The following WWOX variants were observed in gnomAD, a reference collection of about 807,000 sequenced individuals.
WWOX encodes the protein WW domain containing oxidoreductase.
WWOX carries 69 observed loss-of-function variants against 46.2 expected under a neutral mutation model. The ratio of observed to expected loss-of-function variants is 1.49; its 90% CI spans 1.23 to 1.82. The LOEUF is 1.82. Among genes scored for constraint, WWOX ranks in the 40% most tolerant of loss-of-function variants. WWOX has a pLI of 0.00. For synonymous variants in WWOX, 359 were observed against 202.6 expected, an observed-to-expected ratio of 1.77 and a Z score of -6.56; for missense variants, 919 against 542.6, an observed-to-expected ratio of 1.69 and a Z score of -6.89.
chr16:79,056,342 G>A (rs527999665), intron 8 of WWOX, among the ~76,000 whole-genome samples: 29 of 152,248 alleles, frequency 1.9e-4, no homozygotes, highest in East Asian at 1.2e-3. Flanking sequence ...TACATTCTTT[G>A]AAGAATGACT....
At chr16:78,366,906 G>C (rs953956043) in intron 5 of WWOX, among the ~76,000 whole-genome samples, 5 of 151,560 alleles carry the variant, frequency 3.3e-5, no homozygotes, top group African/African-American at 1.2e-4. Context: ...CAAAGCCTGG[G>C]GGGTGGATGT....
rs1232446220 is a variant in WWOX at position 78,728,051 on chromosome 16, CTTCCT to C, written c.1056+295302_1056+295306del. Among the ~76,000 whole-genome samples the C allele has an allele frequency of 7.1e-3, 745 of 105,442 alleles. 16 individuals carry two copies. Among genetic ancestry groups the C allele is most frequent in the African/African-American group, 0.032 (702 of 21,800 alleles). The allele number at this position is 105,442 out of a possible 152,430, so 69.2% of individuals were successfully genotyped here. A position where few individuals can be genotyped will look rare whatever the true frequency, so the allele number is the denominator to read the frequency against. ...TCCCTTCCTCTTTCCTCTCTCCCTC[CTTCCT>C]TTTTTTTTTTTTTTTTTTTTTTTTT... is the stretch of plus-strand genomic sequence containing the variant. On this transcript the variant is annotated intron_variant, in intron 8 of 8. Coordinates refer to ENST00000566780, the MANE Select transcript of WWOX (RefSeq NM_016373.4).
intron 8 of WWOX, among the ~76,000 whole-genome samples, chr16:78,659,422 C>A (rs1261112972): frequency 6.6e-6 from 1 of 152,120 alleles, no homozygotes; most frequent in African/African-American, 2.4e-5. Flanking sequence ...GCTCGCCCCA[C>A]CCCGCCAGAC....
At chr16:78,788,382 C>A (rs2050508890) in intron 8 of WWOX, among the ~76,000 whole-genome samples, 1 of 152,174 alleles carries the variant, frequency 6.6e-6, no homozygotes, top group South Asian at 2.1e-4. Flanking sequence ...TTCACCTGCC[C>A]CAAGGCAGGA....
intron 8 of WWOX, among the ~76,000 whole-genome samples, chr16:79,092,396 C>T (rs950287677): frequency 1.3e-5 from 2 of 152,138 alleles, no homozygotes; most frequent in African/African-American, 4.8e-5. Flanking sequence ...TTAATAAAGC[C>T]AGAGGCGATA....
intron 8 of WWOX, among the ~76,000 whole-genome samples, chr16:78,467,329 A>G (rs111460769): frequency 1.3e-5 from 2 of 152,172 alleles, no homozygotes; most frequent in Non-Finnish European, 2.9e-5. Flanking sequence ...ATATACATGT[A>G]TGCGCACATA....
chr16:79,093,485 T>C (rs2049005805), intron 8 of WWOX, among the ~76,000 whole-genome samples: 1 of 152,084 alleles, frequency 6.6e-6, no homozygotes, highest in African/African-American at 2.4e-5. Flanking sequence ...TTGCAATATA[T>C]ATGATGATTT....
At chr16:78,327,697 C>T (rs1257235764) in intron 5 of WWOX, among the ~76,000 whole-genome samples, 4 of 151,994 alleles carry the variant, frequency 2.6e-5, no homozygotes, top group African/African-American at 7.3e-5. Context: ...TAGATGCTTT[C>T]CTCTGAATAG....
intron 5 of WWOX, among the ~76,000 whole-genome samples, chr16:78,386,537 GT>G (rs1567541677): frequency 6.6e-6 from 1 of 152,026 alleles, no homozygotes; most frequent in Admixed American, 6.6e-5. Flanking sequence ...TCCTTACAGC[GT>G]TTTAGGATGC....
At chr16:79,206,513 A>G (rs919202360) in intron 8 of WWOX, 2 of 152,216 alleles carry the variant, frequency 1.3e-5, no homozygotes, top group African/African-American at 2.4e-5. Flanking sequence ...TTAGGCAACA[A>G]TGCTTACAAA....
intron 5 of WWOX, among the ~76,000 whole-genome samples, chr16:78,335,327 T>A (rs2080863742): frequency 1.3e-5 from 2 of 152,268 alleles, no homozygotes; most frequent in South Asian, 4.2e-4. Context: ...CCACCGTGTG[T>A]CCATGTGTTC....
In WWOX at chr16:78,691,162, C is replaced by A. The variant is rs887332720; in HGVS notation, c.1056+258410C>A. 3 of 691,340 alleles carry A rather than the reference C, an allele frequency of 4.3e-6. No individual in the cohort carries two copies. In the African/African-American group the frequency reaches 5.3e-5, roughly 12 times the overall value. The allele number at this position is 691,340 out of a possible 1,614,324, so 42.8% of individuals were successfully genotyped here. ...TAAAAGCAAAAGCACAGTATTTCCC[C>A]CAGTGTTTGTGCGATAAGAGAATAG... On this transcript the variant is annotated intron_variant, in intron 8 of 8. Coordinates refer to ENST00000566780, the MANE Select transcript of WWOX (RefSeq NM_016373.4).
At chr16:78,252,322 A>G (rs984233253) in intron 5 of WWOX, among the ~76,000 whole-genome samples, 2 of 152,228 alleles carry the variant, frequency 1.3e-5, no homozygotes, top group African/African-American at 2.4e-5. Flanking sequence ...TGTTTTGTAT[A>G]TATTTGTCAG....
chr16:78,870,592 A>C (rs370158348), intron 8 of WWOX, among the ~76,000 whole-genome samples: 2 of 151,718 alleles, frequency 1.3e-5, no homozygotes, highest in Non-Finnish European at 2.9e-5. Context: ...ACCCCTACCA[A>C]TGTAATCAGT....
intron 8 of WWOX, among the ~76,000 whole-genome samples, chr16:78,537,619 G>A (rs556621129): frequency 1.3e-5 from 2 of 152,218 alleles, no homozygotes; most frequent in African/African-American, 2.4e-5. Context: ...CATACAGATA[G>A]GCTCGAAGAA....
intron 8 of WWOX, among the ~76,000 whole-genome samples, chr16:78,610,144 C>T (rs751287664): frequency 5.3e-5 from 8 of 152,156 alleles, no homozygotes; most frequent in Non-Finnish European, 8.8e-5. Context: ...CACTTGGTGC[C>T]TTTGAAGGGT....
intron 6 of WWOX, among the ~76,000 whole-genome samples, chr16:78,415,681 G>C (rs959320157): frequency 6.6e-5 from 10 of 152,132 alleles, no homozygotes; most frequent in Admixed American, 3.3e-4. Flanking sequence ...TCAGTGGTAG[G>C]GATCTTGAGG....
intron 8 of WWOX, among the ~76,000 whole-genome samples, chr16:79,112,887 A>T (rs1463841967): frequency 3.9e-5 from 6 of 152,192 alleles, no homozygotes; most frequent in Admixed American, 2.0e-4. Context: ...CAAGTCTTGG[A>T]CAGTCTAGCC....
chr16:79,083,544 C>A (rs1307856880), intron 8 of WWOX, among the ~76,000 whole-genome samples: 1 of 152,206 alleles, frequency 6.6e-6, no homozygotes, highest in African/African-American at 2.4e-5. Context: ...CAAAACCTCA[C>A]ACCAGTGTTG....
Sources: gnomAD v4.1 joint callset for allele counts (sites outside exome capture counted in the v4.1 genomes callset) on GRCh38, gnomAD v4.1.1 for gene constraint, MANE v1.5 for transcripts, NCBI Gene and HGNC (gene_info 2026-07-23, HGNC 2026-07-21) for gene names.